DIAPH3: variants seen among roughly 807,000 people sequenced by gnomAD.
DIAPH3 encodes diaphanous related formin 3.
In DIAPH3, 117 loss-of-function variants were observed where a neutral mutation model predicts 144.3. The observed-to-expected ratio is 0.81, with a 90% CI of 0.70 to 0.95. The LOEUF (loss-of-function observed/expected upper bound fraction) is 0.95. Ranked by LOEUF, DIAPH3 falls within the 40% of genes least tolerant of loss-of-function variation. The pLI is 0.00. For missense variants in DIAPH3, 1,421 were observed against 1,412.7 expected, an observed-to-expected ratio of 1.01 and a Z score of -0.09; for synonymous variants, 519 against 488.9, an observed-to-expected ratio of 1.06 and a Z score of -0.81.
intron 21 of DIAPH3, among the ~76,000 whole-genome samples, chr13:59,866,701 G>A (rs1181366668): frequency 6.6e-6 from 1 of 152,026 alleles, no homozygotes; most frequent in African/African-American, 2.4e-5. Context: ...GAAGAAAAAG[G>A]TATCTATAAA....
intron 20 of DIAPH3, among the ~76,000 whole-genome samples, chr13:59,882,175 A>C (rs915601201): frequency 2.0e-5 from 3 of 151,904 alleles, no homozygotes; most frequent in African/African-American, 7.3e-5. Flanking sequence ...TGCAACCTCT[A>C]CCTCCTGGGT....
chr13:59,975,541 G>A (rs542729027), intron 14 of DIAPH3, among the ~76,000 whole-genome samples: 1 of 151,986 alleles, frequency 6.6e-6, no homozygotes, highest in East Asian at 1.9e-4. Context: ...ATTTTTTGGA[G>A]CAGTTTTAGG....
chr13:59,982,250 A>C (rs1342410879), intron 13 of DIAPH3, among the ~76,000 whole-genome samples: 4 of 151,538 alleles, frequency 2.6e-5, no homozygotes, highest in Non-Finnish European at 5.9e-5. Flanking sequence ...AATGGTGTTC[A>C]AATATTTTAT....
chr13:60,015,373 C>T (rs746157023), intron 7 of DIAPH3, among the ~76,000 whole-genome samples: 5 of 152,092 alleles, frequency 3.3e-5, no homozygotes, highest in Admixed American at 6.6e-5. Context: ...TGGGTTAAGC[C>T]TCATTGCTCT....
At chr13:60,050,453 G>T (rs1256694907) in intron 4 of DIAPH3, among the ~76,000 whole-genome samples, 1 of 152,146 alleles carries the variant, frequency 6.6e-6, no homozygotes, top group East Asian at 1.9e-4. Context: ...ACTACAGCCT[G>T]AGTGTCAAAT....
intron 27 of DIAPH3, among the ~76,000 whole-genome samples, chr13:59,736,440 C>T (rs1481999516): frequency 1.3e-5 from 2 of 152,162 alleles, no homozygotes; most frequent in African/African-American, 4.8e-5. Context: ...CACAACCTCA[C>T]CAGGATCTGT....
At chr13:60,143,667 C>T (rs1387644890) in intron 1 of DIAPH3, among the ~76,000 whole-genome samples, 1 of 152,202 alleles carries the variant, frequency 6.6e-6, no homozygotes, top group African/African-American at 2.4e-5. Flanking sequence ...TAAATGTGTA[C>T]TGCCTCTCCT....
intron 27 of DIAPH3, among the ~76,000 whole-genome samples, chr13:59,716,501 T>A (rs543479720): frequency 6.6e-6 from 1 of 152,160 alleles, no homozygotes; most frequent in African/African-American, 2.4e-5. Context: ...AAAAAAGAGA[T>A]AACAAAGAAG....
intron 17 of DIAPH3, among the ~76,000 whole-genome samples, chr13:59,952,753 T>A (rs1179667031): frequency 6.6e-6 from 1 of 152,166 alleles, no homozygotes; most frequent in Non-Finnish European, 1.5e-5. Context: ...TCTACTCCCC[T>A]TCCAAAATTT....
chr13:59,668,891 T>C (rs1308119629), intron 27 of DIAPH3, among the ~76,000 whole-genome samples: 1 of 151,826 alleles, frequency 6.6e-6, no homozygotes, highest in East Asian at 1.9e-4. Flanking sequence ...CATACCATCT[T>C]ATGAATAGCC....
intron 2 of DIAPH3, among the ~76,000 whole-genome samples, chr13:60,122,858 A>G (rs2058883869): frequency 6.6e-6 from 1 of 152,072 alleles, no homozygotes; most frequent in African/African-American, 2.4e-5. Context: ...AAAAAATTTA[A>G]CATTCAAGAA....
chr13:59,672,925 G>C (rs2032454742), intron 27 of DIAPH3, among the ~76,000 whole-genome samples: 1 of 152,114 alleles, frequency 6.6e-6, no homozygotes, highest in African/African-American at 2.4e-5. Context: ...TGATATCTTT[G>C]AATAGAGGAA....
intron 25 of DIAPH3, among the ~76,000 whole-genome samples, chr13:59,783,580 G>A (rs1297582973): frequency 6.6e-6 from 1 of 152,208 alleles, no homozygotes; most frequent in Non-Finnish European, 1.5e-5. Flanking sequence ...GCATAGTAAA[G>A]TGGTAGAGAA....
intron 17 of DIAPH3, among the ~76,000 whole-genome samples, chr13:59,942,736 A>T (rs1048749567): frequency 5.9e-5 from 9 of 152,174 alleles, no homozygotes; most frequent in Non-Finnish European, 1.2e-4. Flanking sequence ...ACACATGTAT[A>T]CAAATATACA....
intron 9 of DIAPH3, among the ~76,000 whole-genome samples, chr13:60,004,034 A>T (rs2052701348): frequency 6.6e-6 from 1 of 152,200 alleles, no homozygotes; most frequent in Non-Finnish European, 1.5e-5. Context: ...CAAAAAAGTA[A>T]CAATTCTCCT....
At chr13:60,163,394 G>C (rs1025617949) in intron 1 of DIAPH3, among the ~76,000 whole-genome samples, 193 bp downstream of exon 1, 2 of 152,154 alleles carry the variant, frequency 1.3e-5, no homozygotes, top group African/African-American at 4.8e-5. Context: ...GAAATTTGGG[G>C]GCAACACAAA....
Position 59,871,122 on chromosome 13 carries a change from G to T in DIAPH3, c.2607+8107C>A, listed in dbSNP as rs1206861558. On this transcript the variant is annotated intron_variant, in intron 21 of 27. Transcript: ENST00000400324. ...GGAAACCACTGGCTTTTTAAATTAG[G>T]TGACCTCATAATCTAAAACTTTGAT... Among the ~76,000 whole-genome samples the T allele has an allele frequency of 4.0e-5, 6 of 150,024 alleles. No individual in the cohort carries two copies. The South Asian group carries it at 1.3e-3, about 32-fold the overall frequency.
intron 25 of DIAPH3, among the ~76,000 whole-genome samples, chr13:59,787,225 A>G (rs1160453394): frequency 1.3e-5 from 2 of 152,254 alleles, no homozygotes; most frequent in Admixed American, 6.5e-5. Flanking sequence ...AATGTGTTCA[A>G]TAACTACTGT....
At chr13:59,670,635 T>C (rs1025934957) in intron 27 of DIAPH3, among the ~76,000 whole-genome samples, 2 of 147,868 alleles carry the variant, frequency 1.4e-5, no homozygotes, top group Admixed American at 6.9e-5. Flanking sequence ...CAGGCTGGAG[T>C]GCAGTGGCGG....
Sources: gnomAD v4.1 joint callset for allele counts (sites outside exome capture counted in the v4.1 genomes callset) on GRCh38, gnomAD v4.1.1 for gene constraint, MANE v1.5 for transcripts, NCBI Gene and HGNC (gene_info 2026-07-23, HGNC 2026-07-21) for gene names.